SSC4D: variants seen among roughly 807,000 people sequenced by gnomAD.
The protein encoded by SSC4D is scavenger receptor cysteine rich family member with 4 domains, also known as scavenger receptor cysteine-rich domain-containing group B protein.
A neutral mutation model predicts 63.4 loss-of-function variants in SSC4D; 57 were observed. That is an observed-to-expected ratio of 0.90 (90% CI 0.73 to 1.12). The LOEUF (loss-of-function observed/expected upper bound fraction) is 1.12. SSC4D is among the 50% of genes most tolerant of loss of function. SSC4D has a pLI of 0.00. For missense variants in SSC4D, 791 were observed against 806.4 expected (o/e 0.98, Z 0.23); for synonymous variants, 352 against 345.4 (o/e 1.02, Z -0.21).
At chr7:76,390,527 A>C in intron 10 of SSC4D, 152 bp from the exon 11 acceptor site, 2 of 741,610 alleles carry the variant, frequency 2.7e-6, no homozygotes, top group Non-Finnish European at 4.2e-6. Context: ...TTAAAGTAAG[A>C]TTGGCGCTGG....
chr7:76,400,858 C>G (rs1804800651), intron 3 of SSC4D, 150 bp downstream of exon 3: 1 of 1,212,732 alleles, frequency 8.2e-7, no homozygotes, highest in Middle Eastern at 2.7e-4. Flanking sequence ...TCAATCCCTT[C>G]TGGAAAATGG....
intron 2 of SSC4D, among the ~76,000 whole-genome samples, chr7:76,402,132 G>A (rs973996774): frequency 1.1e-4 from 16 of 149,730 alleles, no homozygotes; most frequent in Non-Finnish European, 1.9e-4. Context: ...CCATCCTCCC[G>A]CCTCAGCCTC....
Position 76,391,957 on chromosome 7 carries a change from C to A in SSC4D, c.1411+7G>T. On this transcript the variant is annotated splice_region_variant and intron_variant, in intron 10 of 10. Coordinates refer to ENST00000275560, the MANE Select transcript of SSC4D (RefSeq NM_080744.2). ...CCACCCACTTTCAGGGGATTATGGGCACCTACCGTCCCTGGGCCGAGGAGT... is the reference window on the plus strand; with the variant it reads ...CCACCCACTTTCAGGGGATTATGGGAACCTACCGTCCCTGGGCCGAGGAGT... 6.3e-7 allele frequency: 1 copy of A among 1,588,772 alleles called. No homozygotes were observed. Among genetic ancestry groups the A allele is most frequent in the Non-Finnish European group, 8.6e-7 (1 of 1,167,192 alleles).
intron 5 of SSC4D, 85 bp downstream of exon 5, chr7:76,398,634 TA>T: frequency 7.1e-7 from 1 of 1,417,908 alleles, no homozygotes; most frequent in Non-Finnish European, 9.9e-7. Flanking sequence ...CTTCAATTTG[TA>T]ATCCCTGTCT....
Position 76,400,438 on chromosome 7 carries a change from G to A in SSC4D, c.323C>T (p.Pro108Leu). ...GCCTTGGCCAAAGGCAAGGGGCCGT[G>A]GCACGGGCAGTGCCAGGCCACAGCC... Reference protein sequence around the residue: ...QLGCGLALPVPRPLAFGQGRG... With the variant: ...QLGCGLALPVLRPLAFGQGRG... Residue 108 changes from proline (P) to leucine (L), a missense_variant, in exon 4 of 11, where the codon CCA (proline) becomes CTA (leucine). Pro to Leu is a moderately conservative substitution (Grantham distance 98). Coordinates refer to ENST00000275560, the MANE Select transcript of SSC4D (RefSeq NM_080744.2). 1 of 1,607,396 alleles carries A rather than the reference G, an allele frequency of 6.2e-7. No individual in the cohort carries two copies. Among genetic ancestry groups the A allele is most frequent in the African/African-American group, 1.3e-5 (1 of 74,820 alleles).
intron 1 of SSC4D, among the ~76,000 whole-genome samples, chr7:76,406,462 T>G (rs914285147): frequency 6.6e-6 from 1 of 152,034 alleles, no homozygotes; most frequent in African/African-American, 2.4e-5. Context: ...ATTAATTAAT[T>G]TTTTTTACTT....
intron 3 of SSC4D, 109 bp from the exon 4 acceptor site, chr7:76,400,700 G>A: frequency 8.1e-7 from 1 of 1,230,544 alleles, no homozygotes; most frequent in Non-Finnish European, 1.1e-6. Flanking sequence ...TAGAGACGGG[G>A]TCTCACTATG....
intron 1 of SSC4D, among the ~76,000 whole-genome samples, chr7:76,408,981 G>A (rs914077899): frequency 3.9e-5 from 6 of 152,104 alleles, no homozygotes; most frequent in Non-Finnish European, 5.9e-5. Context: ...AATGGCTTTC[G>A]TGATCCACTT....
chr7:76,405,271 T>TTATATA (rs1171830870), intron 1 of SSC4D, among the ~76,000 whole-genome samples: 194 of 9,102 alleles, frequency 0.021, 6 homozygotes, highest in Non-Finnish European at 0.033. Flanking sequence ...ACCCAGCTAA[T>TTATATA]TATATATATA....
At position 76,393,662 on chromosome 7, in the gene SSC4D, A is replaced by G. The variant is rs2115745112; in HGVS notation, c.1076T>C (p.Val359Ala). Residue 359 changes from valine to alanine, a missense_variant, in exon 9 of 11, where the codon GTG (valine) becomes GCG (alanine). By Grantham distance (64) the Val-to-Ala change is moderately conservative (BLOSUM62 0). Coordinates refer to ENST00000275560, the MANE Select transcript of SSC4D (RefSeq NM_080744.2). ...GGTGCCCCAGCCCCCGGCGTGCAAC[A>G]CCTCCACGCGGCCGCGGCACGGACC... ...GPGPCRGRVE[V>A]LHAGGWGTVC... 4 of 1,452,432 alleles carry G rather than the reference A, an allele frequency of 2.8e-6. No individual in the cohort carries two copies. The South Asian group carries it at 5.4e-5, about 20-fold the overall frequency. The allele number at this position is 1,452,432 out of a possible 1,614,324, so 90.0% of individuals were successfully genotyped here.
At chr7:76,394,826 A>C (rs1418969265) in intron 7 of SSC4D, among the ~76,000 whole-genome samples, 1 of 145,320 alleles carries the variant, frequency 6.9e-6, no homozygotes, top group African/African-American at 2.6e-5. Context: ...TATAATATAT[A>C]TGATATATAT....
At chr7:76,394,815 G>GATATATATTATATATAAGATATA (rs1469700120) in intron 7 of SSC4D, among the ~76,000 whole-genome samples, 91 of 132,394 alleles carry the variant, frequency 6.9e-4, no homozygotes, top group South Asian at 2.6e-3. Flanking sequence ...TAAAATATGT[G>GATATATATTATATATAAGATATA]TATAATATAT....
chr7:76,402,184 T>A (rs929800952), intron 2 of SSC4D, among the ~76,000 whole-genome samples: 82 of 130,380 alleles, frequency 6.3e-4, no homozygotes, highest in Admixed American at 7.2e-4. Context: ...GCCCAGCTAT[T>A]TTTTTTTTTT....
At chr7:76,404,667 A>T (rs1804942356) in intron 1 of SSC4D, among the ~76,000 whole-genome samples, 162 bp from the exon 2 acceptor site, 1 of 151,956 alleles carries the variant, frequency 6.6e-6, no homozygotes, top group Non-Finnish European at 1.5e-5. Flanking sequence ...GTGGTGGCTT[A>T]TGCCTGTAAT....
intron 7 of SSC4D, among the ~76,000 whole-genome samples, 168 bp downstream of exon 7, chr7:76,395,085 A>G (rs1804605346): frequency 6.6e-6 from 1 of 151,944 alleles, no homozygotes; most frequent in African/African-American, 2.4e-5. Flanking sequence ...GAGTTTCATC[A>G]TCCTTGCTCC....
chr7:76,399,675 G>A (rs1006475853), intron 4 of SSC4D, among the ~76,000 whole-genome samples: 4 of 151,780 alleles, frequency 2.6e-5, no homozygotes, highest in East Asian at 1.9e-4. Flanking sequence ...AGCTGGGACC[G>A]CCCCCAACAC....
Position 76,397,731 on chromosome 7 carries a change from C to G in SSC4D, c.655G>C (p.Gly219Arg). The change falls in exon 6 of 11, where the codon GGG becomes CGG. Residue 219 changes from glycine to arginine, a missense_variant. By Grantham distance (125) the Gly-to-Arg change is moderately radical. Transcript: ENST00000275560. ...LWGTVCDDDW[G>R]LPDAAVVCRQ... The stretch of plus-strand genomic sequence containing the variant: ...CAGACCACAGCGGCATCCGGCAGCC[C>G]CCAGTCGTCGTCACACACGGTGCCC... The G allele has an allele frequency of 6.2e-7, 1 of 1,613,386 alleles. No homozygotes were observed. Among genetic ancestry groups the G allele is most frequent in the South Asian group, 1.1e-5 (1 of 91,056 alleles).
chr7:76,404,654 G>C, intron 1 of SSC4D, 149 bp from the exon 2 acceptor site: 4 of 637,930 alleles, frequency 6.3e-6, no homozygotes, highest in Non-Finnish European at 1.1e-5. Context: ...AATGAGGCCG[G>C]GTGTGGTGGC....
Position 76,393,823 on chromosome 7 carries a change from C to A in SSC4D, c.1021+7G>T. ...CATCCCCCGCAGACCCAGGCACCGCCACTTACTTTTCTTCCCCGCGGCCCA... is the reference window on the plus strand; with the variant it reads ...CATCCCCCGCAGACCCAGGCACCGCAACTTACTTTTCTTCCCCGCGGCCCA... On this transcript the variant is annotated splice_region_variant and intron_variant, in intron 8 of 10. Transcript: ENST00000275560. 1 of 1,588,172 alleles carries A rather than the reference C, an allele frequency of 6.3e-7. No individual in the cohort carries two copies. The highest frequency in any genetic ancestry group is 8.6e-7 in the Non-Finnish European group (1 of 1,165,692).
Sources: gnomAD v4.1 joint callset for allele counts (sites outside exome capture counted in the v4.1 genomes callset) on GRCh38, gnomAD v4.1.1 for gene constraint, MANE v1.5 for transcripts, NCBI Gene and HGNC (gene_info 2026-07-23, HGNC 2026-07-21) for gene names.